WDR5: variants seen among roughly 807,000 people sequenced by gnomAD.
The protein encoded by WDR5 is WD repeat-containing protein 5.
For synonymous variants in WDR5, 144 were observed against 161.6 expected (o/e 0.89, Z 0.83); for missense variants, 187 against 416.9 (o/e 0.45, Z 4.80).
intron 5 of WDR5, 52 bp from the exon 6 acceptor site, chr9:134,142,281 T>G: frequency 6.4e-7 from 1 of 1,570,342 alleles, no homozygotes; most frequent in East Asian, 2.2e-5. Context: ...GACCTGACTC[T>G]TACGTTTGGG....
rs1050400542 is a variant in WDR5 at position 134,136,105 on chromosome 9, C to G, written c.-154C>G. 1.7e-4 allele frequency: 25 copies of G among 149,472 alleles called. No homozygotes were observed. Among genetic ancestry groups the G allele is most frequent in the Non-Finnish European group, 3.0e-4 (20 of 67,044 alleles). The allele number at this position is 149,472 out of a possible 1,614,324, so 9.3% of individuals were successfully genotyped here. On this transcript the variant is annotated 5_prime_UTR_variant, in exon 1 of 14. Transcript: ENST00000358625. The stretch of plus-strand genomic sequence containing the variant: ...GCGCCCCCGCCGCCTGGCGCCCGCC[C>G]GAGCTGCCGCCTTGTCGAGCTGAGT...
At chr9:134,150,417 A>G (rs1011508957) in intron 8 of WDR5, among the ~76,000 whole-genome samples, 2 of 152,248 alleles carry the variant, frequency 1.3e-5, no homozygotes, top group African/African-American at 4.8e-5. Context: ...TCAGCAAGAT[A>G]GAGCAGTATT....
intron 7 of WDR5, among the ~76,000 whole-genome samples, chr9:134,144,353 C>T (rs1230736018): frequency 6.6e-6 from 1 of 152,210 alleles, no homozygotes; most frequent in African/African-American, 2.4e-5. Context: ...GCAGAGCTGA[C>T]CTTCAGACTG....
At chr9:134,146,745 G>C (rs1380654607) in intron 7 of WDR5, among the ~76,000 whole-genome samples, 1 of 152,218 alleles carries the variant, frequency 6.6e-6, no homozygotes, top group Non-Finnish European at 1.5e-5. Flanking sequence ...GTTTTGTCTT[G>C]TTACTGTTAC....
At chr9:134,142,864 A>T in intron 7 of WDR5, 145 bp downstream of exon 7, 2 of 807,978 alleles carry the variant, frequency 2.5e-6, no homozygotes, top group Non-Finnish European at 4.0e-6. Flanking sequence ...GTCTAGAGCA[A>T]TCAGGTTGGA....
chr9:134,152,127 C>T lies in WDR5; in HGVS notation c.631+98C>T, dbSNP rs950634331. ...TCACCAGCTCCTCCTCCCTCCTCTG[C>T]CCTGGGTCCGCCCCTGCAGGAGGAA... is the stretch of plus-strand genomic sequence containing the variant. On this transcript the variant is annotated intron_variant, in intron 9 of 13. Coordinates refer to ENST00000358625, the MANE Select transcript of WDR5 (RefSeq NM_017588.3). 9 of 1,423,854 alleles carry T rather than the reference C, an allele frequency of 6.3e-6. No individual in the cohort carries two copies. The Admixed American group carries it at 1.1e-4, about 17-fold the overall frequency. The allele number at this position is 1,423,854 out of a possible 1,614,324, so 88.2% of individuals were successfully genotyped here. A position where few individuals can be genotyped will look rare whatever the true frequency, so the allele number is the denominator to read the frequency against.
rs771197929 is a variant in WDR5 at position 134,157,053 on chromosome 9, C to T, written c.904+460C>T. Among the ~76,000 whole-genome samples the T allele has an allele frequency of 1.3e-5, 2 of 152,094 alleles. No individual in the cohort carries two copies. The highest frequency in any genetic ancestry group is 2.4e-5 in the African/African-American group (1 of 41,414). On this transcript the variant is annotated intron_variant, in intron 13 of 13. Coordinates refer to ENST00000358625, the MANE Select transcript of WDR5 (RefSeq NM_017588.3). This position sits in a 1 kb window ranked among gnomAD's most constrained non-coding sequence, Gnocchi z 5.0. ...ACGGCGGAGCTGGTTCCCAGGCTAC[C>T]TGGGGTTGCCACCTCTGTGGGTCCC... is the stretch of plus-strand genomic sequence containing the variant.
In WDR5 at chr9:134,155,380, C is replaced by T. The variant is rs369385566; in HGVS notation, c.741+7C>T. On this transcript the variant is annotated splice_region_variant and intron_variant, in intron 11 of 13. Transcript: ENST00000358625. ...GGACTACAGCAAGGGGAAGGTGAGC[C>T]CCCGCAGGCTTGGGCCCCCATGGTG... The T allele has an allele frequency of 3.7e-6, 6 of 1,606,020 alleles. No individual in the cohort carries two copies. The African/African-American group carries it at 6.7e-5, about 18-fold the overall frequency.
At position 134,157,626 on chromosome 9, in the gene WDR5, G is replaced by T. The variant is rs547065096; in HGVS notation, c.905-267G>T. ...GTTGGTGGGGGCGTGTGGGGCTCCT[G>T]GTCTGCAGGCAGGGCTGGCACTCCC... On this transcript the variant is annotated intron_variant, in intron 13 of 13. Coordinates refer to ENST00000358625, the MANE Select transcript of WDR5 (RefSeq NM_017588.3). This position sits in a 1 kb window ranked among gnomAD's most constrained non-coding sequence, Gnocchi z 5.0. 8.5e-5 allele frequency among the ~76,000 whole-genome samples: 13 copies of T among 152,222 alleles called. No homozygotes were observed. Among genetic ancestry groups the T allele is most frequent in the Admixed American group, 8.5e-4 (13 of 15,300 alleles).
chr9:134,139,301 C>G (rs938991519), intron 1 of WDR5, among the ~76,000 whole-genome samples: 2 of 152,182 alleles, frequency 1.3e-5, no homozygotes, highest in Non-Finnish European at 1.5e-5. Flanking sequence ...TGGAGCCCCC[C>G]CATGAGGCGT....
At chr9:134,151,868 T>C in intron 8 of WDR5, 115 bp from the exon 9 acceptor site, 2 of 1,072,572 alleles carry the variant, frequency 1.9e-6, no homozygotes, top group Non-Finnish European at 2.7e-6. Context: ...AAGCATAACT[T>C]TTAAAAAAAG....
intron 7 of WDR5, 71 bp from the exon 8 acceptor site, chr9:134,148,212 GAGATC>G: frequency 6.2e-6 from 1 of 160,274 alleles, no homozygotes. Context: ...TTTTTTTTTT[GAGATC>G]AGGTAAGAAG....
At chr9:134,144,485 G>A (rs1832065982) in intron 7 of WDR5, among the ~76,000 whole-genome samples, 3 of 152,206 alleles carry the variant, frequency 2.0e-5, no homozygotes, top group Non-Finnish European at 4.4e-5. Flanking sequence ...GGGACTCGCG[G>A]TTGATAGGTA....
chr9:134,142,261 T>G (rs916579552), intron 5 of WDR5, 72 bp from the exon 6 acceptor site: 4 of 1,503,776 alleles, frequency 2.7e-6, no homozygotes, highest in Non-Finnish European at 3.7e-6. Context: ...TGTCAGACAT[T>G]GATGAATGTG....
At chr9:134,139,665 A>C (rs1215003064) in intron 1 of WDR5, among the ~76,000 whole-genome samples, 155 bp from the exon 2 acceptor site, 2 of 152,146 alleles carry the variant, frequency 1.3e-5, no homozygotes, top group African/African-American at 2.4e-5. Context: ...GCAAGGACTT[A>C]GGGGAATTAA....
At chr9:134,138,515 C>T (rs561929043) in intron 1 of WDR5, among the ~76,000 whole-genome samples, 2 of 152,150 alleles carry the variant, frequency 1.3e-5, no homozygotes, top group African/African-American at 4.8e-5. Context: ...TGGCATTTAC[C>T]GAGGACCGGT....
intron 8 of WDR5, among the ~76,000 whole-genome samples, chr9:134,151,631 G>A (rs1832491570): frequency 1.3e-5 from 2 of 152,220 alleles, no homozygotes; most frequent in African/African-American, 4.8e-5. Context: ...GGCAGAGCCT[G>A]CGAGAAGCAC....
Position 134,159,591 on chromosome 9 carries a change from T to A in WDR5, c.*1598T>A, listed in dbSNP as rs1245625633. Reference sequence around the variant, plus strand: ...TATCTGAGGCATCTGGAGATGTATATCCTGTGGTTTCCCCTGCCCCTCTGT... The same window carrying A: ...TATCTGAGGCATCTGGAGATGTATAACCTGTGGTTTCCCCTGCCCCTCTGT... On this transcript the variant is annotated 3_prime_UTR_variant, in exon 14 of 14. Transcript: ENST00000358625. This position sits in a 1 kb window ranked among gnomAD's most constrained non-coding sequence, Gnocchi z 4.3. 2 of 152,106 alleles carry A rather than the reference T, an allele frequency of 1.3e-5. No homozygotes were observed. The highest frequency in any genetic ancestry group is 2.9e-5 in the Non-Finnish European group (2 of 68,020). The allele number at this position is 152,106 out of a possible 1,614,324, so 9.4% of individuals were successfully genotyped here.
intron 8 of WDR5, among the ~76,000 whole-genome samples, chr9:134,149,103 A>C (rs1694928776): frequency 6.6e-6 from 1 of 152,186 alleles, no homozygotes; most frequent in African/African-American, 2.4e-5. Flanking sequence ...GTGGACACGC[A>C]CACTCGAAAT....
Sources: allele counts gnomAD v4.1 joint callset (sites outside exome capture counted in the v4.1 genomes callset), GRCh38; gene constraint gnomAD v4.1.1; non-coding constraint Gnocchi (gnomAD v3.1); transcripts MANE v1.5; gene names NCBI Gene and HGNC (gene_info 2026-07-23, HGNC 2026-07-21).